The following MMACHC variants were observed in gnomAD, a reference collection of about 807,000 sequenced individuals.
MMACHC encodes the protein metabolism of cobalamin associated C, also known as cyanocobalamin reductase / alkylcobalamin dealkylase.
In MMACHC, 14 loss-of-function variants were observed where a neutral mutation model predicts 17.6. That is an observed-to-expected ratio of 0.80 (90% CI 0.53 to 1.25). The LOEUF (loss-of-function observed/expected upper bound fraction) is 1.25, where lower values mean the gene tolerates loss of function less well. MMACHC is among the 50% of genes most tolerant of loss of function. The pLI is 0.00. For missense variants in MMACHC, 392 were observed against 364.5 expected (o/e 1.08, Z -0.62); for synonymous variants, 151 against 142.1 (o/e 1.06, Z -0.45).
In MMACHC at chr1:45,507,342, A is replaced by G. The variant is rs1249183903; in HGVS notation, c.82-14A>G. The G allele has an allele frequency of 3.1e-6, 5 of 1,613,788 alleles. No individual in the cohort carries two copies. In the African/African-American group the frequency reaches 6.7e-5, roughly 22 times the overall value. On this transcript the variant is annotated splice_polypyrimidine_tract_variant and intron_variant, in intron 1 of 3. Transcript: ENST00000401061. ...ACTGGCCCTCTCCAGCCTGGCCTGA[A>G]CTTTCTGTTTCAGGTGGCATGGTAC...
At position 45,511,388 on chromosome 1, in the gene MMACHC, T is replaced by C. The variant is rs1485930218; in HGVS notation, c.*2173T>C. 1.2e-6 allele frequency: 2 copies of C among 1,613,222 alleles called. No individual in the cohort carries two copies. The highest frequency in any genetic ancestry group is 1.7e-5 in the Admixed American group (1 of 59,876). ...TGGACATCAGGCTTGATGGTATCAC[T>C]GCCAGGTTTCCAGCCAGCTGGGCAC... On this transcript the variant is annotated 3_prime_UTR_variant, in exon 4 of 4. Transcript: ENST00000401061.
chr1:45,504,373 G>A (rs780426528), intron 1 of MMACHC, among the ~76,000 whole-genome samples: 4 of 152,060 alleles, frequency 2.6e-5, no homozygotes, highest in African/African-American at 4.8e-5. Context: ...CCAAGATCGC[G>A]CCACAAACTC....
rs869087041 is a variant in MMACHC at position 45,512,069 on chromosome 1, C to CTTTTTTTT, written c.*2874_*2881dup. 20 of 66,924 alleles carry CTTTTTTTT rather than the reference C, an allele frequency of 3.0e-4. No homozygotes were observed. Among genetic ancestry groups the CTTTTTTTT allele is most frequent in the East Asian group, 5.4e-4 (1 of 1,858 alleles). 4.1% of individuals were successfully genotyped at this position (66,924 alleles called of 1,614,324 possible). ...GCAAGGGGACTAATCTCTTATTTTT[C>CTTTTTTTT]TTTTTTTTTTTTTTTTTTTTTTTTT... On this transcript the variant is annotated 3_prime_UTR_variant, in exon 4 of 4. Coordinates refer to ENST00000401061, the MANE Select transcript of MMACHC (RefSeq NM_015506.3).
Position 45,509,473 on chromosome 1 carries a change from GCA to G in MMACHC, c.*261_*262del, listed in dbSNP as rs886046372. ...CTGTCACCTAGGCTGGAGTGCAGTG[GCA>G]CAGTCTCTACTCACTGCAACCTCTG... On this transcript the variant is annotated 3_prime_UTR_variant, in exon 4 of 4. Transcript: ENST00000401061. The G allele has an allele frequency of 8.4e-4, 359 of 426,368 alleles. No individual in the cohort carries two copies. Among genetic ancestry groups the G allele is most frequent in the Non-Finnish European group, 1.2e-3 (284 of 242,668 alleles). The allele number at this position is 426,368 out of a possible 1,614,324, so 26.4% of individuals were successfully genotyped here.
intron 3 of MMACHC, 151 bp from the exon 4 acceptor site, chr1:45,508,645 G>GT: frequency 2.0e-6 from 2 of 1,010,544 alleles, no homozygotes; most frequent in Non-Finnish European, 2.9e-6. Flanking sequence ...GCTCAGAATA[G>GT]TTTATGAAAG....
chr1:45,505,699 C>T (rs930640559), intron 1 of MMACHC, among the ~76,000 whole-genome samples: 5 of 151,998 alleles, frequency 3.3e-5, no homozygotes, highest in South Asian at 2.1e-4. Context: ...GTCAGGAGAT[C>T]GAGACCACCC....
At chr1:45,501,700 C>T (rs888489276) in intron 1 of MMACHC, among the ~76,000 whole-genome samples, 4 of 152,074 alleles carry the variant, frequency 2.6e-5, no homozygotes, top group Non-Finnish European at 4.4e-5. Context: ...TTTGAGACAC[C>T]GTTTCAGTGG....
At chr1:45,508,743 A>C (rs1197981413) in intron 3 of MMACHC, 53 bp from the exon 4 acceptor site, 2 of 1,580,060 alleles carry the variant, frequency 1.3e-6, no homozygotes, top group Non-Finnish European at 1.7e-6. Flanking sequence ...ATGGCAGTTG[A>C]CTTGGTGCCA....
At position 45,511,811 on chromosome 1, in the gene MMACHC, G is replaced by C. The variant is rs979532279; in HGVS notation, c.*2596G>C. On this transcript the variant is annotated 3_prime_UTR_variant, in exon 4 of 4. Transcript: ENST00000401061. The stretch of plus-strand genomic sequence containing the variant: ...CAGAGCTCTGAAGACAGCAAACTCA[G>C]TCTGCCTTCTCAGCATTCTTCTAAC... The C allele has an allele frequency of 6.4e-6, 1 of 155,154 alleles. No homozygotes were observed. Among genetic ancestry groups the C allele is most frequent in the South Asian group, 2.0e-4 (1 of 4,890 alleles). 9.6% of individuals were successfully genotyped at this position (155,154 alleles called of 1,614,324 possible). A position where few individuals can be genotyped will look rare whatever the true frequency, so the allele number is the denominator to read the frequency against.
intron 1 of MMACHC, among the ~76,000 whole-genome samples, chr1:45,500,937 C>T (rs1643534877): frequency 6.7e-6 from 1 of 149,822 alleles, no homozygotes; most frequent in Non-Finnish European, 1.5e-5. Flanking sequence ...GATTCGTTAA[C>T]GGGAGACACC....
At chr1:45,502,456 T>G (rs1643560694) in intron 1 of MMACHC, among the ~76,000 whole-genome samples, 1 of 152,100 alleles carries the variant, frequency 6.6e-6, no homozygotes. Context: ...CTGGCTGGTC[T>G]TGAACTCCTG....
intron 2 of MMACHC, 112 bp downstream of exon 2, chr1:45,507,662 G>A: frequency 8.1e-7 from 1 of 1,229,002 alleles, no homozygotes. Context: ...AAGGTGAAAT[G>A]ATACCCTAAA....
At chr1:45,502,702 TTTTC>T (rs1346806931) in intron 1 of MMACHC, among the ~76,000 whole-genome samples, 98 of 151,714 alleles carry the variant, frequency 6.5e-4, no homozygotes, top group South Asian at 1.5e-3. Flanking sequence ...AAGCCTTTTC[TTTTC>T]TTTTTTTTTT....
Position 45,509,013 on chromosome 1 carries a change from C to CA in MMACHC, c.648dup (p.Glu217ArgfsTer28), listed in dbSNP as rs773968018. On this transcript the variant is annotated frameshift_variant, in exon 4 of 4. Coordinates refer to ENST00000401061, the MANE Select transcript of MMACHC (RefSeq NM_015506.3). LOFTEE classifies it low-confidence loss of function (END_TRUNC). ...GCTGTGACACCCCAGGAGCGCTACTCAGAAGAGCAGAAGGCCTACTTCTCC... is the reference window on the plus strand; with the variant it reads ...GCTGTGACACCCCAGGAGCGCTACTCAAGAAGAGCAGAAGGCCTACTTCTCC... The CA allele has an allele frequency of 2.5e-6, 4 of 1,614,200 alleles. No individual in the cohort carries two copies. The highest frequency in any genetic ancestry group is 2.2e-5 in the South Asian group (2 of 91,090).
At chr1:45,502,010 A>T (rs1470133454) in intron 1 of MMACHC, among the ~76,000 whole-genome samples, 1 of 152,090 alleles carries the variant, frequency 6.6e-6, no homozygotes, top group African/African-American at 2.4e-5. Context: ...CCTCCTCCAC[A>T]CTGCAGCCAG....
At chr1:45,507,580 C>T (rs757734940) in intron 2 of MMACHC, 30 bp downstream of exon 2, 8 of 1,612,388 alleles carry the variant, frequency 5.0e-6, no homozygotes, top group Non-Finnish European at 6.8e-6. Flanking sequence ...CCCCCAGCTC[C>T]CAAACCTACA....
rs868597256 is a variant in MMACHC at position 45,512,320 on chromosome 1, C to G, written c.*3105C>G. Reference sequence around the variant, plus strand: ...TGGCGCGATCTCAGCTCACTGCAAGCTCCACCTCCGGGGTTCATGCCATTC... The same window carrying G: ...TGGCGCGATCTCAGCTCACTGCAAGGTCCACCTCCGGGGTTCATGCCATTC... On this transcript the variant is annotated 3_prime_UTR_variant, in exon 4 of 4. Transcript: ENST00000401061. The G allele has an allele frequency of 9.3e-5, 14 of 151,148 alleles. No homozygotes were observed. Among genetic ancestry groups the G allele is most frequent in the Admixed American group, 3.3e-4 (5 of 15,224 alleles). 9.4% of individuals were successfully genotyped at this position (151,148 alleles called of 1,614,324 possible).
intron 1 of MMACHC, among the ~76,000 whole-genome samples, chr1:45,501,908 C>G (rs2149321644): frequency 6.6e-6 from 1 of 152,172 alleles, no homozygotes; most frequent in South Asian, 2.1e-4. Context: ...AATCCATTCC[C>G]TTGTATTCCA....
intron 1 of MMACHC, among the ~76,000 whole-genome samples, chr1:45,502,366 C>T (rs1406689371): frequency 2.0e-5 from 3 of 152,094 alleles, no homozygotes; most frequent in South Asian, 4.1e-4. Flanking sequence ...AACTCCTGGG[C>T]TCAAGTGATC....
Sources: gnomAD v4.1 joint callset for allele counts (sites outside exome capture counted in the v4.1 genomes callset) on GRCh38, gnomAD v4.1.1 for gene constraint, MANE v1.5 for transcripts, NCBI Gene and HGNC (gene_info 2026-07-23, HGNC 2026-07-21) for gene names.